The following ABCA12 variants were observed in gnomAD, a reference collection of about 807,000 sequenced individuals.
ABCA12 encodes the protein glucosylceramide transporter ABCA12.
A neutral mutation model predicts 293.5 loss-of-function variants in ABCA12; 156 were observed. That is an observed-to-expected ratio of 0.53 (90% CI 0.47 to 0.61). The LOEUF (loss-of-function observed/expected upper bound fraction) is 0.61. Ranked by LOEUF, ABCA12 falls within the 20% of genes least tolerant of loss-of-function variation. The pLI is 0.00. For synonymous variants in ABCA12, 1,063 were observed against 1,108.0 expected, an observed-to-expected ratio of 0.96 and a Z score of 0.81; for missense variants, 2,797 against 3,090.2, an observed-to-expected ratio of 0.91 and a Z score of 2.25.
chr2:214,959,322 A>G (rs1699046922), intron 39 of ABCA12, among the ~76,000 whole-genome samples: 1 of 152,086 alleles, frequency 6.6e-6, no homozygotes, highest in African/African-American at 2.4e-5. Context: ...AGGGAGCAAG[A>G]ATTTGTATTT....
intron 7 of ABCA12, among the ~76,000 whole-genome samples, chr2:215,045,102 A>C (rs1432586185): frequency 6.6e-6 from 1 of 152,172 alleles, no homozygotes; most frequent in Non-Finnish European, 1.5e-5. Flanking sequence ...TAACACATCT[A>C]GCATGTAATA....
At chr2:215,101,892 G>A (rs115686322) in intron 2 of ABCA12, among the ~76,000 whole-genome samples, 1,746 of 152,216 alleles carry the variant, frequency 0.011, 33 homozygotes, top group African/African-American at 0.04. Flanking sequence ...AAAGAAGACC[G>A]AAGTGGAAGT....
chr2:215,002,561 G>A (rs1272140322), intron 20 of ABCA12, among the ~76,000 whole-genome samples: 1 of 152,218 alleles, frequency 6.6e-6, no homozygotes, highest in Non-Finnish European at 1.5e-5. Flanking sequence ...ACCCAGACAT[G>A]TCTCTTACAT....
chr2:214,934,009 GAAAT>G, intron 52 of ABCA12, 65 bp downstream of exon 52: 5 of 1,508,004 alleles, frequency 3.3e-6, no homozygotes, highest in East Asian at 2.3e-5. Context: ...TAATTAAAAA[GAAAT>G]AACCAGAATG....
rs781439184 is a variant in ABCA12, at chr2:214,983,805, A to T, written c.4224T>A (p.Asp1408Glu). ...GTACCGTGTGTAGGTCTGTTTTGAT[A>T]TCTTTTCCATATACAAAAATGGTGC... ...SAGTIFVYGK[D>E]IKTDLHTVRK... is the part of the protein sequence containing the mutation. The change falls in exon 29 of 53, where the codon GAT (aspartate) becomes GAA (glutamate). Residue 1408 changes from aspartate to glutamate, a missense_variant. By Grantham distance (45) the Asp-to-Glu change is conservative. Coordinates refer to ENST00000272895, the MANE Select transcript of ABCA12 (RefSeq NM_173076.3). 1.2e-6 allele frequency: 2 copies of T among 1,613,970 alleles called. No individual in the cohort carries two copies. Among genetic ancestry groups the T allele is most frequent in the Non-Finnish European group, 8.5e-7 (1 of 1,179,976 alleles).
intron 10 of ABCA12, 151 bp downstream of exon 10, chr2:215,026,669 T>C (rs1700751626): frequency 2.7e-6 from 2 of 743,550 alleles, no homozygotes; most frequent in Non-Finnish European, 5.0e-6. Context: ...ATTCCCTTTG[T>C]ATATCAAATC....
At chr2:215,079,380 C>A (rs777084573) in intron 2 of ABCA12, among the ~76,000 whole-genome samples, 4 of 152,162 alleles carry the variant, frequency 2.6e-5, no homozygotes, top group Non-Finnish European at 4.4e-5. Flanking sequence ...AGTGAGGGAA[C>A]CTTACTAAAC....
intron 2 of ABCA12, among the ~76,000 whole-genome samples, chr2:215,099,308 C>T (rs916285671): frequency 2.0e-5 from 3 of 152,198 alleles, no homozygotes; most frequent in South Asian, 2.1e-4. Flanking sequence ...CAGCCCTACT[C>T]GAGTTGTTGG....
intron 2 of ABCA12, among the ~76,000 whole-genome samples, chr2:215,110,514 C>T (rs538729886): frequency 1.3e-5 from 2 of 152,120 alleles, no homozygotes; most frequent in Non-Finnish European, 2.9e-5. Context: ...GACTACGTCT[C>T]GACAAAACAA....
At chr2:214,998,717 A>G (rs924979309) in intron 22 of ABCA12, among the ~76,000 whole-genome samples, 2 of 152,174 alleles carry the variant, frequency 1.3e-5, no homozygotes, top group Non-Finnish European at 2.9e-5. Context: ...GATTTATTAT[A>G]TCTGGGTGGG....
At position 215,024,391 on chromosome 2, in the gene ABCA12, G is replaced by A. The variant is rs560893323; in HGVS notation, c.1287+1282C>T. Among the ~76,000 whole-genome samples the A allele has an allele frequency of 5.9e-5, 9 of 152,058 alleles. No individual in the cohort carries two copies. In the East Asian group the frequency reaches 1.2e-3, roughly 20 times the overall value. ...ACATATAATTGATAAAAAAATGAAC[G>A]GATAAATATTATAGGAGCACAGAAG... On this transcript the variant is annotated intron_variant, in intron 11 of 52. Coordinates refer to ENST00000272895, the MANE Select transcript of ABCA12 (RefSeq NM_173076.3).
chr2:215,032,043 T>C, intron 8 of ABCA12, 147 bp from the exon 9 acceptor site: 1 of 1,511,642 alleles, frequency 6.6e-7, no homozygotes, highest in Non-Finnish European at 8.8e-7. Flanking sequence ...ATAAAAGACA[T>C]CTATGCTCTT....
chr2:214,977,870 CTTTTTTTTCCTTTTTT>C (rs953707934), intron 33 of ABCA12, among the ~76,000 whole-genome samples: 26 of 121,350 alleles, frequency 2.1e-4, no homozygotes, highest in African/African-American at 5.7e-4. Flanking sequence ...GCGGCAGCTC[CTTTTTTTTCCTTTTTT>C]TTTTTTTTCC....
At chr2:214,987,614 T>C in intron 27 of ABCA12, 33 bp downstream of exon 27, 1 of 1,597,336 alleles carries the variant, frequency 6.3e-7, no homozygotes, top group South Asian at 1.1e-5. Context: ...ATTTCTCTCA[T>C]AACAAAGCAC....
At chr2:215,014,016 A>G (rs1044645168) in intron 15 of ABCA12, among the ~76,000 whole-genome samples, 1 of 152,094 alleles carries the variant, frequency 6.6e-6, no homozygotes, top group African/African-American at 2.4e-5. Context: ...CCCCATCCCT[A>G]TTAAAAATAC....
intron 44 of ABCA12, among the ~76,000 whole-genome samples, chr2:214,953,392 G>A (rs1424880768): frequency 7.9e-5 from 12 of 152,160 alleles, no homozygotes. Flanking sequence ...GAATTGCTGG[G>A]TCAATGGCAT....
chr2:214,938,045 T>A (rs1457512947), intron 50 of ABCA12, among the ~76,000 whole-genome samples: 2 of 152,138 alleles, frequency 1.3e-5, no homozygotes, highest in African/African-American at 2.4e-5. Context: ...CGTGGTGGTT[T>A]GCTGCACCCA....
chr2:214,955,973 A>C lies in ABCA12; in HGVS notation c.6234-612T>G, dbSNP rs527308411. Among the ~76,000 whole-genome samples, 3 of 152,324 alleles carry C rather than the reference A, an allele frequency of 2.0e-5. No homozygotes were observed. The East Asian group carries it at 5.8e-4, about 29-fold the overall frequency. On this transcript the variant is annotated intron_variant, in intron 42 of 52. Coordinates refer to ENST00000272895, the MANE Select transcript of ABCA12 (RefSeq NM_173076.3). ...TAATCAGTATAAATCTTATAATTTA[A>C]AGTTGAGGAAAAGTAATGACACTGT...
At chr2:215,058,653 C>T (rs1368869355) in intron 3 of ABCA12, among the ~76,000 whole-genome samples, 5 of 151,946 alleles carry the variant, frequency 3.3e-5, no homozygotes. Context: ...CACCAAGTGG[C>T]CCATGGCATC....
Sources: allele counts gnomAD v4.1 joint callset (sites outside exome capture counted in the v4.1 genomes callset), GRCh38; gene constraint gnomAD v4.1.1; transcripts MANE v1.5; gene names NCBI Gene and HGNC (gene_info 2026-07-23, HGNC 2026-07-21).